Variants in SPATA17 observed in about 807,000 individuals in gnomAD.
The protein encoded by SPATA17 is spermatogenesis associated 17.
In SPATA17, 53 loss-of-function variants were observed where a neutral mutation model predicts 62.2. The observed-to-expected ratio is 0.85, with a 90% CI of 0.68 to 1.07. SPATA17 has a LOEUF of 1.07. Ranked by LOEUF, SPATA17 falls within the 50% of genes least tolerant of loss-of-function variation. The pLI is 0.00. For missense variants in SPATA17, 466 were observed against 425.5 expected (o/e 1.10, Z -0.84); for synonymous variants, 146 against 146.8 (o/e 0.99, Z 0.04).
intron 3 of SPATA17, among the ~76,000 whole-genome samples, chr1:217,666,272 C>T (rs1571716968): frequency 6.6e-6 from 1 of 152,200 alleles, no homozygotes; most frequent in Admixed American, 6.5e-5. Context: ...GTACAATATG[C>T]TTTCCTCACC....
chr1:217,814,862 T>A (rs2102993711), intron 9 of SPATA17, among the ~76,000 whole-genome samples: 1 of 151,960 alleles, frequency 6.6e-6, no homozygotes. Context: ...AAAAATAAAA[T>A]AAGAAGTTTG....
rs1185995517 is a variant in SPATA17 at position 217,706,868 on chromosome 1, CTTTCTT to C, written c.395+23511_395+23516del. The stretch of plus-strand genomic sequence containing the variant: ...TATTTCTTTCTTCCTTTCTTTCTTT[CTTTCTT>C]TTTTTTTTTTGAGATGGAGTCTTGC... On this transcript the variant is annotated intron_variant, in intron 5 of 10. Transcript: ENST00000366933. Among the ~76,000 whole-genome samples, 818 of 141,850 alleles carry C rather than the reference CTTTCTT, an allele frequency of 5.8e-3. 5 individuals carry two copies. The highest frequency in any genetic ancestry group is 9.5e-3 in the Non-Finnish European group (621 of 65,484). The allele number at this position is 141,850 out of a possible 152,430, so 93.1% of individuals were successfully genotyped here. A position where few individuals can be genotyped will look rare whatever the true frequency, so the allele number is the denominator to read the frequency against.
chr1:217,774,321 T>A lies in SPATA17; in HGVS notation c.520-13T>A, dbSNP rs2102971937. The A allele has an allele frequency of 6.2e-7, 1 of 1,600,156 alleles. No individual in the cohort carries two copies. The highest frequency in any genetic ancestry group is 2.2e-5 in the East Asian group (1 of 44,796). On this transcript the variant is annotated splice_polypyrimidine_tract_variant and intron_variant, in intron 6 of 10. Coordinates refer to ENST00000366933, the MANE Select transcript of SPATA17 (RefSeq NM_138796.4). ...ATTAAAGAAAAAATCAAAATTGCTT[T>A]CTTCTTCTTTAGATTCCAGGAATAT...
chr1:217,716,987 G>T (rs1393107437), intron 5 of SPATA17, among the ~76,000 whole-genome samples: 1 of 152,180 alleles, frequency 6.6e-6, no homozygotes, highest in Admixed American at 6.5e-5. Context: ...AAATAATGGC[G>T]GATCTAGAGG....
intron 5 of SPATA17, among the ~76,000 whole-genome samples, chr1:217,716,508 A>C (rs1403112093): frequency 2.0e-5 from 3 of 152,234 alleles, no homozygotes; most frequent in Admixed American, 6.5e-5. Context: ...GAATATATCT[A>C]GACTATTGGG....
intron 9 of SPATA17, among the ~76,000 whole-genome samples, chr1:217,810,513 T>C (rs573641327): frequency 1.3e-5 from 2 of 152,022 alleles, no homozygotes; most frequent in East Asian, 1.9e-4. Context: ...TCTCAGCTAC[T>C]TGGGGGGCTG....
chr1:217,774,817 A>G (rs1317712902), intron 7 of SPATA17, among the ~76,000 whole-genome samples: 2 of 152,162 alleles, frequency 1.3e-5, no homozygotes, highest in Admixed American at 6.5e-5. Flanking sequence ...ATGTTGCAGA[A>G]TATGTCCGAA....
At chr1:217,740,686 T>C (rs1478784461) in intron 5 of SPATA17, among the ~76,000 whole-genome samples, 2 of 152,212 alleles carry the variant, frequency 1.3e-5, no homozygotes, top group African/African-American at 4.8e-5. Flanking sequence ...TGTACCAGCT[T>C]GCCAACACAA....
intron 9 of SPATA17, among the ~76,000 whole-genome samples, chr1:217,828,731 A>G (rs1675062167): frequency 6.6e-6 from 1 of 152,118 alleles, no homozygotes; most frequent in Non-Finnish European, 1.5e-5. Flanking sequence ...TTTTATAAAG[A>G]ACATTTACAA....
chr1:217,677,454 T>A (rs1244147739), intron 4 of SPATA17, among the ~76,000 whole-genome samples: 1 of 152,084 alleles, frequency 6.6e-6, no homozygotes, highest in Non-Finnish European at 1.5e-5. Context: ...ACCCCGAGAT[T>A]ACATAGTTAG....
chr1:217,871,307 C>T lies in SPATA17; in HGVS notation c.*4288C>T, dbSNP rs1344918978. 3 of 152,042 alleles carry T rather than the reference C, an allele frequency of 2.0e-5. No homozygotes were observed. Among genetic ancestry groups the T allele is most frequent in the Non-Finnish European group, 2.9e-5 (2 of 67,998 alleles). 9.4% of individuals were successfully genotyped at this position (152,042 alleles called of 1,614,324 possible). A position where few individuals can be genotyped will look rare whatever the true frequency, so the allele number is the denominator to read the frequency against. ...TCCCCTTTTTTGCTCTGTTTTTTCA[C>T]ATTTATGGCCTACCTGTTACAGCTG... On this transcript the variant is annotated 3_prime_UTR_variant, in exon 11 of 11. Transcript: ENST00000366933.
chr1:217,766,250 CTTA>C (rs1673297174), intron 6 of SPATA17, among the ~76,000 whole-genome samples: 1 of 151,866 alleles, frequency 6.6e-6, no homozygotes. Context: ...TTCTTTGCTT[CTTA>C]TTTTGTCTTA....
chr1:217,651,057 C>A (rs766802531), intron 2 of SPATA17, 40 bp from the exon 3 acceptor site: 4 of 1,455,526 alleles, frequency 2.7e-6, no homozygotes, highest in Non-Finnish European at 3.8e-6. Context: ...GACCTTGTTT[C>A]AATGAAAGGA....
chr1:217,651,534 G>A (rs1670313048), intron 3 of SPATA17, among the ~76,000 whole-genome samples: 1 of 152,178 alleles, frequency 6.6e-6, no homozygotes, highest in African/African-American at 2.4e-5. Flanking sequence ...CAACATTTTA[G>A]GCTAATGCCT....
chr1:217,782,452 C>A, intron 8 of SPATA17, 130 bp downstream of exon 8: 1 of 985,588 alleles, frequency 1.0e-6, no homozygotes, highest in Non-Finnish European at 1.4e-6. Flanking sequence ...TGACCTGTTC[C>A]AAAGCAATAA....
intron 4 of SPATA17, among the ~76,000 whole-genome samples, chr1:217,672,224 T>G (rs1670848425): frequency 6.6e-6 from 1 of 152,216 alleles, no homozygotes; most frequent in African/African-American, 2.4e-5. Context: ...TGAAGTTTTA[T>G]TTCTAATAAA....
chr1:217,640,606 C>T (rs1278286633), intron 1 of SPATA17, among the ~76,000 whole-genome samples: 3 of 151,860 alleles, frequency 2.0e-5, no homozygotes, highest in Admixed American at 6.6e-5. Context: ...CAAGGGCGTT[C>T]ATTAAAGTAT....
In SPATA17 at chr1:217,775,576, C is replaced by T. The variant is rs543201528; in HGVS notation, c.723+1039C>T. The stretch of plus-strand genomic sequence containing the variant: ...AAATTAGCTGGACATGGTGGTGCAC[C>T]CTGTGGTCCCAGCTACTCGGGAGGC... On this transcript the variant is annotated intron_variant, in intron 7 of 10. Transcript: ENST00000366933. 4.6e-5 allele frequency among the ~76,000 whole-genome samples: 7 copies of T among 152,014 alleles called. No homozygotes were observed. The East Asian group carries it at 1.4e-3, about 30-fold the overall frequency.
intron 9 of SPATA17, among the ~76,000 whole-genome samples, chr1:217,820,018 A>C (rs1674820471): frequency 6.6e-6 from 1 of 152,108 alleles, no homozygotes; most frequent in Non-Finnish European, 1.5e-5. Flanking sequence ...TGGATAGTAA[A>C]GAACCCTAAG....
Sources: gnomAD v4.1 joint callset for allele counts (sites outside exome capture counted in the v4.1 genomes callset) on GRCh38, gnomAD v4.1.1 for gene constraint, MANE v1.5 for transcripts, NCBI Gene and HGNC (gene_info 2026-07-23, HGNC 2026-07-21) for gene names.